SLCO3A1: variants seen among roughly 807,000 people sequenced by gnomAD.
SLCO3A1 encodes PGE1 transporter.
A neutral mutation model predicts 63.1 loss-of-function variants in SLCO3A1; 27 were observed. The ratio of observed to expected loss-of-function variants is 0.43; its 90% CI spans 0.32 to 0.59. The LOEUF (loss-of-function observed/expected upper bound fraction) is 0.59. SLCO3A1 is among the 20% of genes least tolerant of loss of function. SLCO3A1 has a pLI of 0.09. For missense variants in SLCO3A1, 773 were observed against 945.8 expected, an observed-to-expected ratio of 0.82 and a Z score of 2.40; for synonymous variants, 473 against 409.9, an observed-to-expected ratio of 1.15 and a Z score of -1.86.
chr15:92,055,931 A>AT (rs1382451907), intron 2 of SLCO3A1, among the ~76,000 whole-genome samples: 1 of 152,016 alleles, frequency 6.6e-6, no homozygotes, highest in Non-Finnish European at 1.5e-5. Flanking sequence ...CCTTTATTTT[A>AT]TTTTTTAGAA....
intron 7 of SLCO3A1, among the ~76,000 whole-genome samples, chr15:92,144,125 C>T (rs769414158): frequency 1.1e-4 from 17 of 152,262 alleles, no homozygotes; most frequent in African/African-American, 3.1e-4. Flanking sequence ...ATGGCCTCAG[C>T]TTCCCTTTGT....
chr15:92,017,766 A>T (rs955938267), intron 2 of SLCO3A1, among the ~76,000 whole-genome samples: 3 of 152,134 alleles, frequency 2.0e-5, no homozygotes, highest in African/African-American at 7.2e-5. Flanking sequence ...CCAGGGGCAC[A>T]TGACACCTCC....
chr15:92,084,825 T>A (rs936641172), intron 2 of SLCO3A1, among the ~76,000 whole-genome samples: 1 of 152,188 alleles, frequency 6.6e-6, no homozygotes, highest in African/African-American at 2.4e-5. Flanking sequence ...GTCAACATTT[T>A]TCTCAAACAA....
Position 92,017,291 on chromosome 15 carries a change from G to T in SLCO3A1, c.647-77590G>T, listed in dbSNP as rs57465181. 9.2e-5 allele frequency among the ~76,000 whole-genome samples: 14 copies of T among 152,060 alleles called. 1 individual carries two copies. The highest frequency in any genetic ancestry group is 3.3e-4 in the Admixed American group (5 of 15,260). ...GAGTTGGAGGAGCTGGGATTGGGGG[G>T]GGGTAGGGAAAGAGCAGGTGGCATT... On this transcript the variant is annotated intron_variant, in intron 2 of 9. Transcript: ENST00000318445.
At chr15:91,928,820 T>A (rs927688526) in intron 2 of SLCO3A1, among the ~76,000 whole-genome samples, 3 of 152,190 alleles carry the variant, frequency 2.0e-5, no homozygotes, top group Non-Finnish European at 4.4e-5. Context: ...TGTAGTAAAG[T>A]GAGAGAAGCT....
chr15:92,041,751 G>A (rs1393614906), intron 2 of SLCO3A1, among the ~76,000 whole-genome samples: 1 of 152,136 alleles, frequency 6.6e-6, no homozygotes, highest in Non-Finnish European at 1.5e-5. Flanking sequence ...AGAGGTCCAA[G>A]GAGACGAAAT....
intron 1 of SLCO3A1, among the ~76,000 whole-genome samples, chr15:91,869,175 AG>A (rs1340190996): frequency 6.6e-6 from 1 of 152,050 alleles, no homozygotes; most frequent in African/African-American, 2.4e-5. Flanking sequence ...CTGAAGTGGG[AG>A]GATCACTTGA....
At chr15:92,060,754 C>A (rs998055317) in intron 2 of SLCO3A1, among the ~76,000 whole-genome samples, 3 of 152,158 alleles carry the variant, frequency 2.0e-5, no homozygotes, top group Non-Finnish European at 2.9e-5. Flanking sequence ...CCCGCCTCAG[C>A]CTCCCAAAGT....
chr15:91,932,140 A>G (rs1899258407), intron 2 of SLCO3A1, among the ~76,000 whole-genome samples: 1 of 152,060 alleles, frequency 6.6e-6, no homozygotes, highest in African/African-American at 2.4e-5. Context: ...TCAGTAGGAA[A>G]CTGAGGCTCA....
chr15:92,021,472 T>C (rs1254455273), intron 2 of SLCO3A1, among the ~76,000 whole-genome samples: 1 of 152,186 alleles, frequency 6.6e-6, no homozygotes, highest in Non-Finnish European at 1.5e-5. Context: ...TTCTGTCTTC[T>C]CTCACAGACA....
intron 2 of SLCO3A1, among the ~76,000 whole-genome samples, chr15:92,026,510 G>A (rs1019974248): frequency 3.3e-5 from 5 of 152,122 alleles, no homozygotes; most frequent in African/African-American, 1.2e-4. Context: ...GGACAAACAG[G>A]TTTACAAAGC....
At position 91,968,852 on chromosome 15, in the gene SLCO3A1, C is replaced by G. The variant is rs895244475; in HGVS notation, c.646+52394C>G. Among the ~76,000 whole-genome samples, 2 of 152,202 alleles carry G rather than the reference C, an allele frequency of 1.3e-5. No homozygotes were observed. The highest frequency in any genetic ancestry group is 2.9e-5 in the Non-Finnish European group (2 of 68,046). On this transcript the variant is annotated intron_variant, in intron 2 of 9. Coordinates refer to ENST00000318445, the MANE Select transcript of SLCO3A1 (RefSeq NM_013272.4). This position sits in a 1 kb window ranked among gnomAD's most constrained non-coding sequence, Gnocchi z 4.2. ...TTGGCGCCTTTTTGCTTGGCACATT[C>G]TGGTTCCTCTGCATGGAGTCTCCTT...
At chr15:91,960,145 G>C (rs932136771) in intron 2 of SLCO3A1, among the ~76,000 whole-genome samples, 3 of 152,048 alleles carry the variant, frequency 2.0e-5, no homozygotes, top group Non-Finnish European at 4.4e-5. Flanking sequence ...CACCATGCTC[G>C]GCTAACTTTT....
chr15:92,005,972 C>T (rs550208759), intron 2 of SLCO3A1, among the ~76,000 whole-genome samples: 163 of 152,124 alleles, frequency 1.1e-3, no homozygotes, highest in African/African-American at 3.9e-3. Context: ...CTAATTGCAC[C>T]CAGTGAGGGT....
intron 4 of SLCO3A1, among the ~76,000 whole-genome samples, chr15:92,117,129 A>C (rs189009485): frequency 6.6e-6 from 1 of 152,276 alleles, no homozygotes; most frequent in Non-Finnish European, 1.5e-5. Context: ...AAAGCATTCC[A>C]TTAACCGGAG....
intron 1 of SLCO3A1, among the ~76,000 whole-genome samples, chr15:91,855,569 T>C (rs189714742): frequency 4.6e-5 from 7 of 152,342 alleles, no homozygotes; most frequent in South Asian, 4.1e-4. Flanking sequence ...AATACACTTA[T>C]TGTGTCTATA....
At chr15:91,966,568 G>A (rs1218513494) in intron 2 of SLCO3A1, among the ~76,000 whole-genome samples, 1 of 152,182 alleles carries the variant, frequency 6.6e-6, no homozygotes, top group African/African-American at 2.4e-5. Context: ...ATCCTTTCAG[G>A]ATACTGTGTC....
chr15:92,099,907 CA>C (rs1006969112), intron 3 of SLCO3A1, among the ~76,000 whole-genome samples: 66 of 150,620 alleles, frequency 4.4e-4, no homozygotes, highest in African/African-American at 1.4e-3. Context: ...ACTAAAAATA[CA>C]AAAAAAAATT....
At chr15:92,025,850 G>C (rs1359476038) in intron 2 of SLCO3A1, among the ~76,000 whole-genome samples, 3 of 152,196 alleles carry the variant, frequency 2.0e-5, no homozygotes, top group Non-Finnish European at 2.9e-5. Context: ...TGTTTCCCAA[G>C]GGTCCTTTAG....
Sources: gnomAD v4.1 joint callset for allele counts (sites outside exome capture counted in the v4.1 genomes callset) on GRCh38, gnomAD v4.1.1 for gene constraint, Gnocchi (gnomAD v3.1) non-coding constraint, MANE v1.5 for transcripts, NCBI Gene and HGNC (gene_info 2026-07-23, HGNC 2026-07-21) for gene names.